Variants in ZNF777 observed in about 807,000 individuals in gnomAD.
The protein encoded by ZNF777 is zinc finger protein 777.
A neutral mutation model predicts 72.1 loss-of-function variants in ZNF777; 7 were observed. That is an observed-to-expected ratio of 0.10 (90% CI 0.06 to 0.18). The LOEUF is 0.18. ZNF777 is among the 10% of genes least tolerant of loss of function. ZNF777 has a pLI of 1.00. For synonymous variants in ZNF777, 545 were observed against 483.5 expected (o/e 1.13, Z -1.67); for missense variants, 828 against 1,128.6 (o/e 0.73, Z 3.82).
rs534650240 is a variant in ZNF777 at position 149,449,617 on chromosome 7, T to C, written c.1087+1382A>G. Among the ~76,000 whole-genome samples, 63 of 152,314 alleles carry C rather than the reference T, an allele frequency of 4.1e-4. No individual in the cohort carries two copies. In the South Asian group the frequency reaches 0.013, roughly 32 times the overall value. On this transcript the variant is annotated intron_variant, in intron 4 of 5. Coordinates refer to ENST00000247930, the MANE Select transcript of ZNF777 (RefSeq NM_015694.3). ...TTCTCTGCCTCGCAACACTTCTTTC[T>C]CATTTCTTCCACCTAGAATCTCTCT...
intron 4 of ZNF777, among the ~76,000 whole-genome samples, chr7:149,446,319 T>C (rs550050948): frequency 1.4e-4 from 21 of 151,990 alleles, no homozygotes; most frequent in African/African-American, 4.8e-4. Context: ...GAGGTTGCAG[T>C]GAGCCAAGAT....
In ZNF777 at chr7:149,436,949, A is replaced by AATGTAGT; in HGVS notation, c.1088-124_1088-123insACTACAT. 8.0e-7 allele frequency: 1 copy of AATGTAGT among 1,257,064 alleles called. No individual in the cohort carries two copies. The highest frequency in any genetic ancestry group is 1.1e-6 in the Non-Finnish European group (1 of 914,856). The allele number at this position is 1,257,064 out of a possible 1,614,324, so 77.9% of individuals were successfully genotyped here. A position where few individuals can be genotyped will look rare whatever the true frequency, so the allele number is the denominator to read the frequency against. ...AGTCTTATCTTAGAGACCCTGAAGAAATGTAATATTGAGTTGGAAATGAGT... is the reference window on the plus strand; with the variant it reads ...AGTCTTATCTTAGAGACCCTGAAGAAATGTAGTATGTAATATTGAGTTGGAAATGAGT... On this transcript the variant is annotated intron_variant, in intron 4 of 5. Coordinates refer to ENST00000247930, the MANE Select transcript of ZNF777 (RefSeq NM_015694.3). This position sits in a 1 kb window ranked among gnomAD's most constrained non-coding sequence, Gnocchi z 5.0.
At chr7:149,444,772 G>A (rs938670801) in intron 4 of ZNF777, among the ~76,000 whole-genome samples, 2 of 152,108 alleles carry the variant, frequency 1.3e-5, no homozygotes, top group Non-Finnish European at 2.9e-5. Flanking sequence ...TCATTTCTTC[G>A]CATGACTCTG....
intron 4 of ZNF777, among the ~76,000 whole-genome samples, chr7:149,446,793 C>T (rs1327808562): frequency 6.6e-6 from 1 of 152,126 alleles, no homozygotes; most frequent in East Asian, 1.9e-4. Flanking sequence ...ACTTCCTCGC[C>T]TCCCACCTGC....
intron 1 of ZNF777, chr7:149,459,627 G>A (rs1292965527): frequency 3.0e-6 from 3 of 984,872 alleles, no homozygotes; most frequent in Non-Finnish European, 3.6e-6. Flanking sequence ...AGGCCTTTCT[G>A]GGGCTGCCGC....
At chr7:149,442,003 G>A (rs1016776411) in intron 4 of ZNF777, among the ~76,000 whole-genome samples, 1 of 151,490 alleles carries the variant, frequency 6.6e-6, no homozygotes, top group African/African-American at 2.4e-5. Flanking sequence ...AACTCCTGAC[G>A]TCAGGAGTTC....
In ZNF777 at chr7:149,460,393, G is replaced by A. The variant is rs927452667; in HGVS notation, c.-16+422C>T. ...GTCGGAGCTGGGCGCGCGGCTGTGC[G>A]GGCGGCCCGGCCGGCTGCGTCCCGG... is the stretch of plus-strand genomic sequence containing the variant. On this transcript the variant is annotated intron_variant, in intron 1 of 5. Transcript: ENST00000247930. This position sits in a 1 kb window ranked among gnomAD's most constrained non-coding sequence, Gnocchi z 6.1. 2.5e-4 allele frequency among the ~76,000 whole-genome samples: 36 copies of A among 145,878 alleles called. No individual in the cohort carries two copies. Among genetic ancestry groups the A allele is most frequent in the African/African-American group, 8.1e-4 (33 of 40,756 alleles).
At chr7:149,444,363 A>G (rs1228163044) in intron 4 of ZNF777, among the ~76,000 whole-genome samples, 1 of 152,080 alleles carries the variant, frequency 6.6e-6, no homozygotes, top group East Asian at 1.9e-4. Flanking sequence ...ATTCAAATAT[A>G]TTGGGTATTT....
chr7:149,459,324 C>T (rs570970595), intron 1 of ZNF777, among the ~76,000 whole-genome samples: 1 of 152,294 alleles, frequency 6.6e-6, no homozygotes, highest in Admixed American at 6.5e-5. Context: ...TTAAGAGTGT[C>T]TTCCTGAAGA....
chr7:149,450,690 G>A (rs1799696480), intron 4 of ZNF777, among the ~76,000 whole-genome samples: 1 of 152,212 alleles, frequency 6.6e-6, no homozygotes, highest in South Asian at 2.1e-4. Flanking sequence ...GGAATTTTAA[G>A]CACTAATGAC....
intron 4 of ZNF777, among the ~76,000 whole-genome samples, chr7:149,439,364 T>A (rs1799468777): frequency 6.6e-6 from 1 of 152,170 alleles, no homozygotes; most frequent in Admixed American, 6.5e-5. Context: ...TAAAACTATG[T>A]ACTCCTTTGC....
chr7:149,440,665 G>GTTTTTTTTT (rs199888410), intron 4 of ZNF777, among the ~76,000 whole-genome samples: 1 of 88,414 alleles, frequency 1.1e-5, no homozygotes. Context: ...GCAGCCTGTT[G>GTTTTTTTTT]TTTTTTTGTT....
In ZNF777 at chr7:149,460,805, G is replaced by A. The variant is rs1485255942; in HGVS notation, c.-16+10C>T. On this transcript the variant is annotated intron_variant, in intron 1 of 5. Coordinates refer to ENST00000247930, the MANE Select transcript of ZNF777 (RefSeq NM_015694.3). The surrounding 1 kb of genome is among the most constrained non-coding windows in gnomAD (Gnocchi z 6.1). ...GGCCTCCCACCCTCCAGGACCCTCC[G>A]GCCTCTCACCTGGGGTCCTCGCCTG... is the stretch of plus-strand genomic sequence containing the variant. The A allele has an allele frequency of 6.6e-6, 1 of 152,104 alleles. No individual in the cohort carries two copies. The highest frequency in any genetic ancestry group is 1.5e-5 in the Non-Finnish European group (1 of 68,036). 9.4% of individuals were successfully genotyped at this position (152,104 alleles called of 1,614,324 possible). A position where few individuals can be genotyped will look rare whatever the true frequency, so the allele number is the denominator to read the frequency against.
At position 149,431,693 on chromosome 7, in the gene ZNF777, C is replaced by A. The variant is rs1247882114; in HGVS notation, c.*83G>T. 3.5e-6 allele frequency: 4 copies of A among 1,150,146 alleles called. No individual in the cohort carries two copies. Among genetic ancestry groups the A allele is most frequent in the Non-Finnish European group, 4.3e-6 (4 of 929,250 alleles). The allele number at this position is 1,150,146 out of a possible 1,614,324, so 71.2% of individuals were successfully genotyped here. On this transcript the variant is annotated 3_prime_UTR_variant, in exon 6 of 6. Coordinates refer to ENST00000247930, the MANE Select transcript of ZNF777 (RefSeq NM_015694.3). ...AAGGGGCTGGGGGGCGCCCCGCCCC[C>A]GCCCGCTGGGCTCGGGCCTGGCGGT...
chr7:149,433,035 T>C, intron 5 of ZNF777, 103 bp from the exon 6 acceptor site: 1 of 1,404,300 alleles, frequency 7.1e-7, no homozygotes, highest in Non-Finnish European at 9.3e-7. Context: ...AAACATTGCA[T>C]TATTGGCCCA....
chr7:149,448,501 ATATATATAT>A (rs1799647153), intron 4 of ZNF777, among the ~76,000 whole-genome samples: 4 of 135,852 alleles, frequency 2.9e-5, no homozygotes, highest in African/African-American at 9.0e-5. Context: ...ATATATATAT[ATATATATAT>A]AACTATATAT....
At chr7:149,439,827 A>ATAAT (rs1450690306) in intron 4 of ZNF777, among the ~76,000 whole-genome samples, 4 of 152,222 alleles carry the variant, frequency 2.6e-5, no homozygotes, top group African/African-American at 9.6e-5. Context: ...AGAATGATAA[A>ATAAT]TAATTATCCA....
intron 1 of ZNF777, among the ~76,000 whole-genome samples, chr7:149,459,512 GC>G (rs1022010905): frequency 6.6e-6 from 1 of 151,888 alleles, no homozygotes; most frequent in Non-Finnish European, 1.5e-5. Flanking sequence ...CTCCCCCGCC[GC>G]CCCCGACGGG....
intron 4 of ZNF777, among the ~76,000 whole-genome samples, chr7:149,448,221 T>A (rs11978172): frequency 2.0e-5 from 3 of 151,694 alleles, no homozygotes; most frequent in African/African-American, 7.3e-5. Flanking sequence ...ATCCCAACAC[T>A]TTGGGAGGCT....
Sources: allele counts gnomAD v4.1 joint callset (sites outside exome capture counted in the v4.1 genomes callset), GRCh38; gene constraint gnomAD v4.1.1; non-coding constraint Gnocchi (gnomAD v3.1); transcripts MANE v1.5; gene names NCBI Gene and HGNC (gene_info 2026-07-23, HGNC 2026-07-21).